Variants in TENT5C observed in about 807,000 individuals in gnomAD.
TENT5C encodes family with sequence similarity 46 member C.
TENT5C carries 5 observed loss-of-function variants against 22.2 expected under a neutral mutation model. That is an observed-to-expected ratio of 0.22 (90% CI 0.12 to 0.47). The LOEUF is 0.47. Among genes scored for constraint, TENT5C ranks in the 20% least tolerant of loss-of-function variants. The pLI is 0.99. For missense variants in TENT5C, 364 were observed against 500.9 expected (o/e 0.73, Z 2.61); for synonymous variants, 199 against 195.4 (o/e 1.02, Z -0.15).
At chr1:117,607,119 C>A (rs1653556842) in intron 1 of TENT5C, among the ~76,000 whole-genome samples, 1 of 152,168 alleles carries the variant, frequency 6.6e-6, no homozygotes, top group Non-Finnish European at 1.5e-5. Context: ...GGTTGGTAGC[C>A]TGCACACCTG....
At chr1:117,621,804 A>G (rs191978646) in intron 1 of TENT5C, among the ~76,000 whole-genome samples, 4 of 152,302 alleles carry the variant, frequency 2.6e-5, no homozygotes, top group Non-Finnish European at 1.5e-5. Context: ...GCACCTTGAC[A>G]TTTTAATATA....
intron 1 of TENT5C, among the ~76,000 whole-genome samples, chr1:117,609,661 C>A (rs905205286): frequency 6.6e-6 from 1 of 152,198 alleles, no homozygotes; most frequent in African/African-American, 2.4e-5. Context: ...CTGGCTTTAT[C>A]ATGCAGTCGA....
intron 1 of TENT5C, among the ~76,000 whole-genome samples, chr1:117,617,220 C>T (rs1657816): frequency 0.079 from 11,870 of 149,740 alleles, 501 homozygotes; most frequent in African/African-American, 0.11. Context: ...TTTTTCTTTT[C>T]AGTGCTCAAA....
Position 117,627,389 on chromosome 1 carries a change from T to C in TENT5C, c.*3345T>C. ...GTACTGCTTTGTTGACTTTGGGAAA[T>C]GGTGCCACTCAAAAGCAACTTCCTA... On this transcript the variant is annotated 3_prime_UTR_variant, in exon 2 of 2. Coordinates refer to ENST00000369448, the MANE Select transcript of TENT5C (RefSeq NM_017709.4). 8.1e-6 allele frequency: 2 copies of C among 248,204 alleles called. No homozygotes were observed. 15.4% of individuals were successfully genotyped at this position (248,204 alleles called of 1,614,324 possible). A position where few individuals can be genotyped will look rare whatever the true frequency, so the allele number is the denominator to read the frequency against.
Position 117,626,928 on chromosome 1 carries a change from T to C in TENT5C, c.*2884T>C, listed in dbSNP as rs904815234. 19 of 248,060 alleles carry C rather than the reference T, an allele frequency of 7.7e-5. No homozygotes were observed. Among genetic ancestry groups the C allele is most frequent in the South Asian group, 1.8e-4 (1 of 5,532 alleles). The allele number at this position is 248,060 out of a possible 1,614,324, so 15.4% of individuals were successfully genotyped here. ...GAAGACAGTACCTTTTCCTCTCACA[T>C]TGGCAGAATAGCACGCACTAGATGC... is the stretch of plus-strand genomic sequence containing the variant. On this transcript the variant is annotated 3_prime_UTR_variant, in exon 2 of 2. Coordinates refer to ENST00000369448, the MANE Select transcript of TENT5C (RefSeq NM_017709.4).
rs1465955020 is a variant in TENT5C at position 117,606,071 on chromosome 1, G to A, written c.-110G>A. On this transcript the variant is annotated 5_prime_UTR_variant, in exon 1 of 2. Transcript: ENST00000369448. ...ACGGCTCACTCGGTGCCGCTGCCTA[G>A]GGGCTGTAGAGGTCGCGCCGCTCCT... is the stretch of plus-strand genomic sequence containing the variant. 2.6e-5 allele frequency: 4 copies of A among 152,224 alleles called. No homozygotes were observed. The highest frequency in any genetic ancestry group is 1.5e-5 in the Non-Finnish European group (1 of 68,100). 9.4% of individuals were successfully genotyped at this position (152,224 alleles called of 1,614,324 possible). A position where few individuals can be genotyped will look rare whatever the true frequency, so the allele number is the denominator to read the frequency against.
intron 1 of TENT5C, among the ~76,000 whole-genome samples, chr1:117,620,057 T>G (rs537341164): frequency 1.3e-5 from 2 of 152,276 alleles, no homozygotes; most frequent in East Asian, 3.9e-4. Context: ...GTTCACATAC[T>G]TTAAAATATA....
chr1:117,613,347 T>G (rs1653708314), intron 1 of TENT5C, among the ~76,000 whole-genome samples: 1 of 152,264 alleles, frequency 6.6e-6, no homozygotes, highest in South Asian at 2.1e-4. Flanking sequence ...ACACTTGAAC[T>G]TGTGTGGCAT....
At chr1:117,613,438 C>G (rs1653709750) in intron 1 of TENT5C, among the ~76,000 whole-genome samples, 1 of 152,214 alleles carries the variant, frequency 6.6e-6, no homozygotes, top group South Asian at 2.1e-4. Context: ...AGCGTTATCT[C>G]TCCACCCACA....
rs1410012766 is a variant in TENT5C at position 117,627,382 on chromosome 1, T to C, written c.*3338T>C. The C allele has an allele frequency of 8.1e-6, 2 of 248,080 alleles. No homozygotes were observed. The highest frequency in any genetic ancestry group is 4.4e-5 in the African/African-American group (2 of 45,376). 15.4% of individuals were successfully genotyped at this position (248,080 alleles called of 1,614,324 possible). A position where few individuals can be genotyped will look rare whatever the true frequency, so the allele number is the denominator to read the frequency against. ...TTAACTAGTACTGCTTTGTTGACTT[T>C]GGGAAATGGTGCCACTCAAAAGCAA... On this transcript the variant is annotated 3_prime_UTR_variant, in exon 2 of 2. Transcript: ENST00000369448.
In TENT5C at chr1:117,624,137, T is replaced by C. The variant is rs547592256; in HGVS notation, c.*93T>C. The C allele has an allele frequency of 2.3e-5, 25 of 1,092,112 alleles. No individual in the cohort carries two copies. In the African/African-American group the frequency reaches 3.7e-4, roughly 16 times the overall value. The allele number at this position is 1,092,112 out of a possible 1,614,324, so 67.7% of individuals were successfully genotyped here. On this transcript the variant is annotated 3_prime_UTR_variant, in exon 2 of 2. Transcript: ENST00000369448. ...CCTTCTAGATGTAGGCATTTGGCTT[T>C]TAAAGGGGAACTCAGCTCTGATTCT...
At position 117,623,311 on chromosome 1, in the gene TENT5C, A is replaced by C; in HGVS notation, c.443A>C (p.Asp148Ala). ...YVQKLVKVCT[D>A]TDRWSLISLS... ...CAGAAGCTAGTGAAGGTTTGCACGG[A>C]CACTGACCGCTGGAGCCTGATCTCC... is the stretch of plus-strand genomic sequence containing the variant. The change falls in exon 2 of 2, where the codon GAC becomes GCC. Residue 148 changes from aspartate (D) to alanine (A), a missense_variant. By Grantham distance (126) the Asp-to-Ala change is moderately radical. Transcript: ENST00000369448. 1 of 1,614,194 alleles carries C rather than the reference A, an allele frequency of 6.2e-7. No homozygotes were observed. The highest frequency in any genetic ancestry group is 1.1e-5 in the South Asian group (1 of 91,072).
chr1:117,621,173 C>G (rs1653886818), intron 1 of TENT5C, among the ~76,000 whole-genome samples: 1 of 152,116 alleles, frequency 6.6e-6, no homozygotes, highest in Non-Finnish European at 1.5e-5. Flanking sequence ...TCTTCCCCTC[C>G]ACGAGTACTC....
chr1:117,612,481 T>C (rs34039852), intron 1 of TENT5C, among the ~76,000 whole-genome samples: 26,523 of 152,076 alleles, frequency 0.17, 2,390 homozygotes, highest in Admixed American at 0.25. Context: ...TATCAACAAT[T>C]AAAATTTGAG....
intron 1 of TENT5C, among the ~76,000 whole-genome samples, chr1:117,608,505 T>C (rs1023795690): frequency 3.3e-5 from 5 of 152,222 alleles, no homozygotes; most frequent in Non-Finnish European, 5.9e-5. Flanking sequence ...ATTCCTCATA[T>C]TTCTGAAAGT....
chr1:117,610,078 C>G (rs1442898042), intron 1 of TENT5C, among the ~76,000 whole-genome samples: 1 of 152,160 alleles, frequency 6.6e-6, no homozygotes, highest in Non-Finnish European at 1.5e-5. Context: ...TTCTCTCTCT[C>G]TGTTCACTCA....
At chr1:117,620,834 C>T (rs1196140904) in intron 1 of TENT5C, among the ~76,000 whole-genome samples, 1 of 152,188 alleles carries the variant, frequency 6.6e-6, no homozygotes, top group Admixed American at 6.5e-5. Context: ...CATGCTGCAA[C>T]TATCATTCCC....
At position 117,623,974 on chromosome 1, in the gene TENT5C, G is replaced by A. The variant is rs1400295239; in HGVS notation, c.1106G>A (p.Ser369Asn). The change falls in exon 2 of 2, where the codon AGC becomes AAC. Residue 369 changes from serine to asparagine, a missense_variant. By Grantham distance (46) the Ser-to-Asn change is conservative. This residue lies in a region of TENT5C where 54 missense variants were observed against 76.5 expected (regional missense o/e 0.71). Transcript: ENST00000369448. ...PAPYVSDGNFSNYYVAHPPVT... is the reference protein window; with the variant it reads ...PAPYVSDGNFNNYYVAHPPVT... ...CCTTACGTCAGTGATGGCAACTTCA[G>A]CAACTACTACGTTGCCCATCCTCCA... 1.2e-6 allele frequency: 2 copies of A among 1,613,966 alleles called. No individual in the cohort carries two copies. The highest frequency in any genetic ancestry group is 1.1e-5 in the South Asian group (1 of 91,044).
chr1:117,625,131 C>T lies in TENT5C; in HGVS notation c.*1087C>T, dbSNP rs1335810633. ...TTTTTTTTTTTTCCAAAAATAGTGA[C>T]TTCCTTCTCCAGGTGTGTTTGACAG... On this transcript the variant is annotated 3_prime_UTR_variant, in exon 2 of 2. Coordinates refer to ENST00000369448, the MANE Select transcript of TENT5C (RefSeq NM_017709.4). 2 of 245,422 alleles carry T rather than the reference C, an allele frequency of 8.1e-6. No individual in the cohort carries two copies. The highest frequency in any genetic ancestry group is 4.5e-5 in the African/African-American group (2 of 44,704). 15.2% of individuals were successfully genotyped at this position (245,422 alleles called of 1,614,324 possible). A position where few individuals can be genotyped will look rare whatever the true frequency, so the allele number is the denominator to read the frequency against.
Sources: allele counts gnomAD v4.1 joint callset (sites outside exome capture counted in the v4.1 genomes callset), GRCh38; gene constraint gnomAD v4.1.1; regional missense constraint gnomAD v4.1.1; transcripts MANE v1.5; gene names NCBI Gene and HGNC (gene_info 2026-07-23, HGNC 2026-07-21).